GMDS: variants seen among roughly 807,000 people sequenced by gnomAD.
GMDS encodes the protein GDP-mannose 4,6-dehydratase, also known as GDP-mannose 4,6 dehydratase.
GMDS carries 20 observed loss-of-function variants against 49.9 expected under a neutral mutation model. The ratio of observed to expected loss-of-function variants is 0.40; its 90% CI spans 0.28 to 0.58. GMDS has a LOEUF of 0.58. GMDS is among the 20% of genes least tolerant of loss of function. The probability of loss-of-function intolerance (pLI) is 0.42; values close to 1 mark genes in which losing one functional copy is unlikely to be tolerated. For synonymous variants in GMDS, 177 were observed against 178.6 expected (o/e 0.99, Z 0.07); for missense variants, 362 against 481.4 (o/e 0.75, Z 2.32).
At chr6:2,056,083 T>C (rs1770759857) in intron 4 of GMDS, among the ~76,000 whole-genome samples, 1 of 152,158 alleles carries the variant, frequency 6.6e-6, no homozygotes, top group South Asian at 2.1e-4. Flanking sequence ...AGAAAGAATG[T>C]TGCCAACTGA....
At chr6:1,815,910 T>A (rs1354750693) in intron 7 of GMDS, among the ~76,000 whole-genome samples, 1 of 152,216 alleles carries the variant, frequency 6.6e-6, no homozygotes, top group Non-Finnish European at 1.5e-5. Context: ...TGACAGAATG[T>A]TGCAAAATAA....
chr6:2,105,870 ACTC>A (rs774637267), intron 4 of GMDS, among the ~76,000 whole-genome samples: 16 of 152,050 alleles, frequency 1.1e-4, no homozygotes, highest in Admixed American at 3.3e-4. Context: ...TCAACACAAT[ACTC>A]CTCTTCTCTG....
At chr6:2,196,454 C>T (rs1050511117) in intron 1 of GMDS, among the ~76,000 whole-genome samples, 1 of 152,340 alleles carries the variant, frequency 6.6e-6, no homozygotes, top group Non-Finnish European at 1.5e-5. Flanking sequence ...TTGCTAAGTA[C>T]AGAAGGCACT....
intron 1 of GMDS, among the ~76,000 whole-genome samples, chr6:2,152,559 C>A (rs2127538803): frequency 6.6e-6 from 1 of 152,018 alleles, no homozygotes; most frequent in East Asian, 1.9e-4. Flanking sequence ...TTAATAGGAA[C>A]AATATAAAGA....
intron 8 of GMDS, among the ~76,000 whole-genome samples, chr6:1,729,242 C>G (rs1766703598): frequency 6.6e-6 from 1 of 152,154 alleles, no homozygotes; most frequent in Non-Finnish European, 1.5e-5. Context: ...GAGAAACACT[C>G]CCTCTCTGAG....
At chr6:1,729,487 G>C (rs1490920835) in intron 8 of GMDS, among the ~76,000 whole-genome samples, 2 of 152,222 alleles carry the variant, frequency 1.3e-5, no homozygotes, top group Non-Finnish European at 2.9e-5. Context: ...GCTCAAAGCT[G>C]AATTGAGTTG....
At chr6:1,930,076 T>A (rs772035879) in intron 7 of GMDS, 27 bp downstream of exon 7, 1 of 1,587,258 alleles carries the variant, frequency 6.3e-7, no homozygotes, top group African/African-American at 1.3e-5. Flanking sequence ...ACGGGTATTT[T>A]CAAGAATGTA....
intron 4 of GMDS, among the ~76,000 whole-genome samples, chr6:2,112,621 T>C (rs1292924708): frequency 6.6e-6 from 1 of 152,212 alleles, no homozygotes; most frequent in Non-Finnish European, 1.5e-5. Context: ...TAAAAATTTC[T>C]GGAAAAAAAT....
chr6:1,681,516 G>T (rs1290804864), intron 9 of GMDS, among the ~76,000 whole-genome samples: 1 of 152,174 alleles, frequency 6.6e-6, no homozygotes, highest in Admixed American at 6.5e-5. Context: ...CAGGTGAGGA[G>T]GACCAGGCGG....
chr6:1,774,040 T>C (rs1463102739), intron 7 of GMDS, among the ~76,000 whole-genome samples: 1 of 152,220 alleles, frequency 6.6e-6, no homozygotes, highest in Non-Finnish European at 1.5e-5. Flanking sequence ...CAAAAATTAA[T>C]TGAAGAAAAT....
chr6:2,064,413 G>T (rs1771400914), intron 4 of GMDS, among the ~76,000 whole-genome samples: 1 of 152,120 alleles, frequency 6.6e-6, no homozygotes, highest in Non-Finnish European at 1.5e-5. Flanking sequence ...GAGAGAAAAA[G>T]TATATTCTGA....
rs577944515 is a variant in GMDS at position 1,665,668 on chromosome 6, G to A, written c.988-41128C>T. On this transcript the variant is annotated intron_variant, in intron 9 of 10. Transcript: ENST00000380815. The stretch of plus-strand genomic sequence containing the variant: ...TGGTTTCCTTCCTTTACCAGGACCA[G>A]AGCAGGAGGCCTCCTTTCTGCTCTC... Among the ~76,000 whole-genome samples the A allele has an allele frequency of 2.0e-5, 3 of 152,300 alleles. No individual in the cohort carries two copies. In the South Asian group the frequency reaches 6.2e-4, roughly 32 times the overall value.
rs937110060 is a variant in GMDS at position 2,124,053 on chromosome 6, T to G, written c.147+634A>C. 4.6e-5 allele frequency among the ~76,000 whole-genome samples: 7 copies of G among 151,828 alleles called. 1 individual carries two copies. In the South Asian group the frequency reaches 1.5e-3, roughly 31 times the overall value. On this transcript the variant is annotated intron_variant, in intron 2 of 10. Coordinates refer to ENST00000380815, the MANE Select transcript of GMDS (RefSeq NM_001500.4). ...GCCACTGTAAAGGTTTTTTTTTTTT[T>G]CTGTATAGCATGAATTTATATACAT...
intron 1 of GMDS, among the ~76,000 whole-genome samples, chr6:2,205,767 G>C (rs536603444): frequency 6.6e-6 from 1 of 151,912 alleles, no homozygotes. Flanking sequence ...AGCCTTCAGG[G>C]TGTGTGTGTG....
intron 7 of GMDS, among the ~76,000 whole-genome samples, chr6:1,879,653 T>C (rs1759268755): frequency 6.6e-6 from 1 of 152,146 alleles, no homozygotes; most frequent in Non-Finnish European, 1.5e-5. Flanking sequence ...TGATTTTTAC[T>C]CCTCTGTGTT....
chr6:1,738,567 A>G (rs1235024896), intron 8 of GMDS, among the ~76,000 whole-genome samples: 1 of 152,260 alleles, frequency 6.6e-6, no homozygotes, highest in Non-Finnish European at 1.5e-5. Context: ...AGCTTAGAAT[A>G]GCAAAAGTGA....
intron 1 of GMDS, among the ~76,000 whole-genome samples, chr6:2,156,394 C>T (rs1777115778): frequency 6.6e-6 from 1 of 152,060 alleles, no homozygotes; most frequent in African/African-American, 2.4e-5. Context: ...TTAAGAAAAT[C>T]AAAGGCAAGC....
At chr6:1,913,751 T>C (rs1473655965) in intron 7 of GMDS, among the ~76,000 whole-genome samples, 1 of 152,162 alleles carries the variant, frequency 6.6e-6, no homozygotes, top group African/African-American at 2.4e-5. Context: ...AGAATACACA[T>C]ATAGTTGCTG....
rs1772893607 is a variant in GMDS at position 2,084,504 on chromosome 6, CTCTTTTTTTT to C, written c.345+31257_345+31266del. On this transcript the variant is annotated intron_variant, in intron 4 of 10. Transcript: ENST00000380815. ...CTCTAATAAAATAATCTAAATAAAA[CTCTTTTTTTT>C]TCTTTTTTTTGAGACGGAGTCTTGC... 2.0e-5 allele frequency among the ~76,000 whole-genome samples: 3 copies of C among 151,998 alleles called. No individual in the cohort carries two copies. The South Asian group carries it at 6.2e-4, about 32-fold the overall frequency.
Sources: allele counts gnomAD v4.1 joint callset (sites outside exome capture counted in the v4.1 genomes callset), GRCh38; gene constraint gnomAD v4.1.1; transcripts MANE v1.5; gene names NCBI Gene and HGNC (gene_info 2026-07-23, HGNC 2026-07-21).